The following ROBO2 variants were observed in gnomAD, a reference collection of about 807,000 sequenced individuals.
The protein encoded by ROBO2 is roundabout homolog 2.
ROBO2 carries 53 observed loss-of-function variants against 160.8 expected under a neutral mutation model. The ratio of observed to expected loss-of-function variants is 0.33; its 90% CI spans 0.26 to 0.41. ROBO2 has a LOEUF of 0.41. Among genes scored for constraint, ROBO2 ranks in the 10% least tolerant of loss-of-function variants. ROBO2 has a pLI of 1.00. For synonymous variants in ROBO2, 664 were observed against 611.7 expected (o/e 1.09, Z -1.26); for missense variants, 1,577 against 1,722.4 (o/e 0.92, Z 1.49).
intron 2 of ROBO2, among the ~76,000 whole-genome samples, chr3:76,607,117 G>T (rs1225726559): frequency 1.3e-5 from 2 of 152,166 alleles, no homozygotes; most frequent in Admixed American, 1.3e-4. Flanking sequence ...TCACAGATGT[G>T]ATCATGGTGC....
chr3:77,353,847 C>T (rs1427891583), intron 2 of ROBO2, among the ~76,000 whole-genome samples: 2 of 152,254 alleles, frequency 1.3e-5, no homozygotes, highest in South Asian at 2.1e-4. Flanking sequence ...ATTATTAATA[C>T]TGCTCAGAAC....
intron 2 of ROBO2, among the ~76,000 whole-genome samples, chr3:76,475,891 G>A (rs1254178586): frequency 6.6e-6 from 1 of 152,156 alleles, no homozygotes; most frequent in Admixed American, 6.5e-5. Context: ...CGTGGCTCAT[G>A]CCTGTAATCC....
chr3:76,378,729 G>T (rs762577791), intron 2 of ROBO2, among the ~76,000 whole-genome samples: 3 of 152,142 alleles, frequency 2.0e-5, no homozygotes, highest in Admixed American at 6.5e-5. Flanking sequence ...TCAATCTTCA[G>T]CTGGTTCCAA....
At chr3:76,596,722 T>C (rs1272428609) in intron 2 of ROBO2, among the ~76,000 whole-genome samples, 1 of 152,098 alleles carries the variant, frequency 6.6e-6, no homozygotes, top group Non-Finnish European at 1.5e-5. Context: ...CCCTCCTGGA[T>C]TAAGTGGTCT....
chr3:77,221,784 A>G (rs1036821921), intron 2 of ROBO2, among the ~76,000 whole-genome samples: 2 of 151,860 alleles, frequency 1.3e-5, no homozygotes, highest in Non-Finnish European at 2.9e-5. Context: ...CCAAAAAAAT[A>G]TGCTATATAT....
chr3:77,568,370 A>G, exon 13 of ROBO2: 3 of 1,613,082 alleles, frequency 1.9e-6, no homozygotes, highest in Non-Finnish European at 2.5e-6. Context: ...GAGCTAGGAG[A>G]TGTCCTTGTC....
intron 21 of ROBO2, among the ~76,000 whole-genome samples, chr3:77,616,798 A>G (rs1033184658): frequency 1.3e-5 from 2 of 152,330 alleles, no homozygotes; most frequent in South Asian, 4.1e-4. Flanking sequence ...CAGTCCCTAA[A>G]AAAATATGGT....
intron 2 of ROBO2, among the ~76,000 whole-genome samples, chr3:76,504,318 G>A (rs901807216): frequency 3.9e-5 from 6 of 152,210 alleles, no homozygotes; most frequent in Admixed American, 1.3e-4. Flanking sequence ...AAAGCCATAC[G>A]TTTGTTTAGA....
intron 2 of ROBO2, among the ~76,000 whole-genome samples, chr3:76,493,964 G>A (rs776922289): frequency 1.4e-4 from 22 of 152,046 alleles, no homozygotes; most frequent in Non-Finnish European, 2.5e-4. Flanking sequence ...TTTAAAGTAC[G>A]TCCATAAGAT....
chr3:77,348,774 G>T (rs558439082), intron 2 of ROBO2, among the ~76,000 whole-genome samples: 7 of 152,198 alleles, frequency 4.6e-5, no homozygotes, highest in Admixed American at 2.0e-4. Flanking sequence ...CTTGCCTTCA[G>T]GTATCAGTGC....
At chr3:77,064,047 T>A (rs1260279878) in intron 1 of ROBO2, among the ~76,000 whole-genome samples, 3 of 152,226 alleles carry the variant, frequency 2.0e-5, no homozygotes, top group African/African-American at 7.2e-5. Flanking sequence ...CTTTAAAGCC[T>A]GCAGAAAAAT....
intron 2 of ROBO2, among the ~76,000 whole-genome samples, chr3:76,068,483 C>T (rs1243123200): frequency 6.6e-6 from 1 of 152,128 alleles, no homozygotes; most frequent in African/African-American, 2.4e-5. Flanking sequence ...AAATGCTAAG[C>T]CTTCTACCTG....
intron 2 of ROBO2, among the ~76,000 whole-genome samples, chr3:77,403,252 G>A (rs537865562): frequency 2.6e-4 from 40 of 152,224 alleles, no homozygotes; most frequent in South Asian, 1.2e-3. Flanking sequence ...TACTTTCAGC[G>A]ATGTTCAAGT....
At chr3:77,598,054 G>C (rs2094347034) in intron 19 of ROBO2, among the ~76,000 whole-genome samples, 1 of 152,062 alleles carries the variant, frequency 6.6e-6, no homozygotes, top group Admixed American at 6.6e-5. Context: ...TTAGAATAGT[G>C]CTGTAATCCA....
rs1260717215 is a variant in ROBO2 at position 76,507,775 on chromosome 3, G to A, written c.109+570173G>A. ...GTCATGTACCATATACCAAGCACAT[G>A]ATAAAAACACGATCCTAGTCTGGTT... On this transcript the variant is annotated intron_variant, in intron 2 of 26. Transcript: ENST00000487694. Among the ~76,000 whole-genome samples, 3 of 151,974 alleles carry A rather than the reference G, an allele frequency of 2.0e-5. No homozygotes were observed. In the East Asian group the frequency reaches 5.8e-4, roughly 29 times the overall value.
intron 2 of ROBO2, among the ~76,000 whole-genome samples, chr3:77,217,901 A>G (rs1050368598): frequency 1.1e-4 from 17 of 152,214 alleles, no homozygotes; most frequent in African/African-American, 3.9e-4. Flanking sequence ...AGTAAATGAA[A>G]TATTACAGAC....
chr3:77,321,023 G>A (rs1479364727), intron 2 of ROBO2, among the ~76,000 whole-genome samples: 1 of 152,108 alleles, frequency 6.6e-6, no homozygotes, highest in African/African-American at 2.4e-5. Context: ...CAGATGAAAG[G>A]ATTCTAGTTG....
At chr3:77,244,406 A>G (rs566193427) in intron 2 of ROBO2, among the ~76,000 whole-genome samples, 41 of 152,216 alleles carry the variant, frequency 2.7e-4, no homozygotes, top group Non-Finnish European at 5.1e-4. Flanking sequence ...TTTAAGAGAC[A>G]AAAAGATAGG....
rs62885160 is a variant in ROBO2, at chr3:76,965,785, GTATA to G, written c.110-132207_110-132204del. Among the ~76,000 whole-genome samples the G allele has an allele frequency of 3.6e-3, 463 of 129,184 alleles. 6 individuals are homozygous for G. The highest frequency in any genetic ancestry group is 0.015 in the South Asian group (62 of 4,110). The allele number at this position is 129,184 out of a possible 152,430, so 84.7% of individuals were successfully genotyped here. On this transcript the variant is annotated intron_variant, in intron 2 of 26. Coordinates refer to the ROBO2 transcript ENST00000487694. ...CTATACCATTATTTATTGTGTTTGT[GTATA>G]TATATATATATATATATATATTTCT...
Sources: gnomAD v4.1 joint callset for allele counts (sites outside exome capture counted in the v4.1 genomes callset) on GRCh38, gnomAD v4.1.1 for gene constraint, MANE v1.5 for transcripts, NCBI Gene and HGNC (gene_info 2026-07-23, HGNC 2026-07-21) for gene names.